The following GFRA2 variants were observed in gnomAD, a reference collection of about 807,000 sequenced individuals.
GFRA2 encodes the protein GDNF family receptor alpha 2.
Under a neutral mutation model 48.3 loss-of-function variants are expected in GFRA2, and 17 were observed. The ratio of observed to expected loss-of-function variants is 0.35; its 90% CI spans 0.24 to 0.53. The LOEUF is 0.53. GFRA2 is among the 20% of genes least tolerant of loss of function. GFRA2 has a pLI of 0.93. For synonymous variants in GFRA2, 305 were observed against 257.2 expected (o/e 1.19, Z -1.78); for missense variants, 660 against 637.3 (o/e 1.04, Z -0.38).
In GFRA2 at chr8:21,797,287, C is replaced by CTTTTTTTTTTTT. The variant is rs1159867192; in HGVS notation, c.-36+7718_-36+7729dup. ...TCTTTCTTTTTTTTTCCTTTCTTTG[C>CTTTTTTTTTTTT]TTTTTTTTTTTTTTTTTTTTTTTGA... On this transcript the variant is annotated intron_variant, in intron 2 of 10. Transcript: ENST00000517328. Among the ~76,000 whole-genome samples the CTTTTTTTTTTTT allele has an allele frequency of 1.7e-3, 146 of 85,648 alleles. 2 individuals are homozygous for CTTTTTTTTTTTT. Among genetic ancestry groups the CTTTTTTTTTTTT allele is most frequent in the East Asian group, 6.6e-3 (16 of 2,430 alleles). 56.2% of individuals were successfully genotyped at this position (85,648 alleles called of 152,430 possible). A position where few individuals can be genotyped will look rare whatever the true frequency, so the allele number is the denominator to read the frequency against.
intron 2 of GFRA2, chr8:21,779,651 A>G (rs1414352015): frequency 6.6e-6 from 1 of 152,266 alleles, no homozygotes; most frequent in Non-Finnish European, 1.5e-5. Context: ...CAGTACCCTC[A>G]GGACAGTATT....
chr8:21,809,413 C>T (rs1239552080), intron 1 of GFRA2, among the ~76,000 whole-genome samples: 1 of 152,230 alleles, frequency 6.6e-6, no homozygotes, highest in East Asian at 1.9e-4. Flanking sequence ...CAAGCTCCGC[C>T]TCCCAGGTTC....
chr8:21,811,565 C>G (rs1321455720), intron 1 of GFRA2, among the ~76,000 whole-genome samples: 2 of 152,138 alleles, frequency 1.3e-5, no homozygotes, highest in Non-Finnish European at 2.9e-5. Flanking sequence ...GTCAGAGGAA[C>G]AGTCTCGGCT....
At chr8:21,729,497 C>T (rs898664053) in intron 4 of GFRA2, among the ~76,000 whole-genome samples, 3 of 152,114 alleles carry the variant, frequency 2.0e-5, no homozygotes, top group African/African-American at 7.2e-5. Flanking sequence ...GCCTGGGAGA[C>T]GCCCCCCTGC....
In GFRA2 at chr8:21,784,236, G is replaced by C. The variant is rs1283860399; in HGVS notation, c.41-1337C>G. 6.6e-6 allele frequency: 3 copies of C among 453,758 alleles called. No individual in the cohort carries two copies. In the Admixed American group the frequency reaches 7.1e-5, roughly 11 times the overall value. The allele number at this position is 453,758 out of a possible 1,614,324, so 28.1% of individuals were successfully genotyped here. ...CCTAAAATGGTTTCCTCCAGACACA[G>C]ACATCGTCTTCCCAGTCCCCCTGTC... is the stretch of plus-strand genomic sequence containing the variant. On this transcript the variant is annotated intron_variant, in intron 1 of 8. Coordinates refer to ENST00000524240, the MANE Select transcript of GFRA2 (RefSeq NM_001495.5).
Position 21,750,683 on chromosome 8 carries a change from G to A in GFRA2, c.699C>T (p.Arg233=). ...AGCAGCTGGGCAGGATGGTTTGCCG[G>A]CGGCGCTCAGCGCACGCCTGGTCTT... The part of the protein sequence containing the change: ...SCQDQACAER[R]RQTILPSCSY... The change falls in exon 4 of 9, where the codon CGC becomes CGT. Residue 233 remains arginine, a synonymous_variant. Coordinates refer to ENST00000524240, the MANE Select transcript of GFRA2 (RefSeq NM_001495.5). The surrounding 1 kb of genome is among the most constrained non-coding windows in gnomAD (Gnocchi z 5.7). 1 of 1,613,876 alleles carries A rather than the reference G, an allele frequency of 6.2e-7. No individual in the cohort carries two copies.
chr8:21,774,940 A>T (rs1563261011), intron 3 of GFRA2, 32 bp downstream of exon 3: 1 of 1,248,694 alleles, frequency 8.0e-7, no homozygotes, highest in East Asian at 2.3e-5. Flanking sequence ...ACGAGAGGAG[A>T]ACGGGCCAAG....
chr8:21,721,817 G>A (rs922645304), intron 4 of GFRA2, among the ~76,000 whole-genome samples: 3 of 152,132 alleles, frequency 2.0e-5, no homozygotes, highest in African/African-American at 4.8e-5. Flanking sequence ...CAGGAAGCAG[G>A]GAGGACCAGG....
At chr8:21,704,578 A>G (rs1342722331) in intron 6 of GFRA2, among the ~76,000 whole-genome samples, 1 of 152,236 alleles carries the variant, frequency 6.6e-6, no homozygotes, top group Admixed American at 6.5e-5. Context: ...GACTGTGGCT[A>G]ACCTCTCTCT....
chr8:21,694,053 ATT>A (rs1174823382), intron 8 of GFRA2, among the ~76,000 whole-genome samples: 7 of 125,506 alleles, frequency 5.6e-5, no homozygotes, highest in Non-Finnish European at 8.1e-5. Context: ...ATATATATAT[ATT>A]TATATATATA....
intron 4 of GFRA2, among the ~76,000 whole-genome samples, chr8:21,707,417 C>T (rs1802802249): frequency 6.6e-6 from 1 of 152,200 alleles, no homozygotes; most frequent in African/African-American, 2.4e-5. Flanking sequence ...AGAATGCAGG[C>T]TTTCCACCGG....
At chr8:21,792,500 G>A (rs1260223253), upstream of GFRA2, among the ~76,000 whole-genome samples, 1 of 152,180 alleles carries the variant, frequency 6.6e-6, no homozygotes, top group Non-Finnish European at 1.5e-5. Flanking sequence ...GCCCCAGCAG[G>A]GCCAACGGCT....
chr8:21,777,266 C>T (rs983819033), intron 2 of GFRA2, among the ~76,000 whole-genome samples: 1 of 152,182 alleles, frequency 6.6e-6, no homozygotes, highest in East Asian at 1.9e-4. Flanking sequence ...TAAATAAGTA[C>T]TGTTGTTCCC....
chr8:21,811,354 G>A (rs1807977553), intron 1 of GFRA2, among the ~76,000 whole-genome samples: 1 of 152,168 alleles, frequency 6.6e-6, no homozygotes, highest in Admixed American at 6.5e-5. Flanking sequence ...AAGTTCCCAA[G>A]CAGGAGATCC....
intron 3 of GFRA2, among the ~76,000 whole-genome samples, chr8:21,769,826 G>C (rs2117686528): frequency 6.6e-6 from 1 of 152,270 alleles, no homozygotes; most frequent in Non-Finnish European, 1.5e-5. Flanking sequence ...CGTATGCAAG[G>C]CTTCTTGGCA....
chr8:21,733,888 C>T (rs1804321549), intron 4 of GFRA2, among the ~76,000 whole-genome samples: 1 of 152,148 alleles, frequency 6.6e-6, no homozygotes, highest in African/African-American at 2.4e-5. Flanking sequence ...AACCACCCTC[C>T]CCAGGCTCCG....
At chr8:21,739,552 C>G (rs752229652) in intron 4 of GFRA2, among the ~76,000 whole-genome samples, 1 of 152,190 alleles carries the variant, frequency 6.6e-6, no homozygotes, top group Non-Finnish European at 1.5e-5. Flanking sequence ...CATGAGGCCT[C>G]TGAGTCTTCC....
At position 21,788,368 on chromosome 8, in the gene GFRA2, C is replaced by T. The variant is rs2117094817; in HGVS notation, c.-209G>A. 4 of 1,344,824 alleles carry T rather than the reference C, an allele frequency of 3.0e-6. No homozygotes were observed. In the East Asian group the frequency reaches 9.2e-5, roughly 31 times the overall value. The allele number at this position is 1,344,824 out of a possible 1,614,324, so 83.3% of individuals were successfully genotyped here. On this transcript the variant is annotated 5_prime_UTR_variant, in exon 1 of 9. Transcript: ENST00000524240. ...GGGGTGAGAGGCGGGCGATGGGCTGCTGCCTCTCGACGCCCCCCTTGCCCG... is the reference window on the plus strand; with the variant it reads ...GGGGTGAGAGGCGGGCGATGGGCTGTTGCCTCTCGACGCCCCCCTTGCCCG...
chr8:21,696,284 G>A (rs1802169301), intron 7 of GFRA2, among the ~76,000 whole-genome samples: 1 of 151,176 alleles, frequency 6.6e-6, no homozygotes, highest in East Asian at 1.9e-4. Flanking sequence ...GAAGCTCCCT[G>A]CACTCAAGAT....
Sources: gnomAD v4.1 joint callset for allele counts (sites outside exome capture counted in the v4.1 genomes callset) on GRCh38, gnomAD v4.1.1 for gene constraint, Gnocchi (gnomAD v3.1) non-coding constraint, MANE v1.5 for transcripts, NCBI Gene and HGNC (gene_info 2026-07-23, HGNC 2026-07-21) for gene names.